CELF4: variants seen among roughly 807,000 people sequenced by gnomAD.
CELF4 encodes the protein CUG-BP- and ETR-3-like factor 4.
In CELF4, 18 loss-of-function variants were observed where a neutral mutation model predicts 59.9. The ratio of observed to expected loss-of-function variants is 0.30; its 90% CI spans 0.21 to 0.45. The LOEUF (loss-of-function observed/expected upper bound fraction) is 0.45, where lower values mean the gene tolerates loss of function less well. Ranked by LOEUF, CELF4 falls within the 20% of genes least tolerant of loss-of-function variation. CELF4 has a pLI of 1.00. For synonymous variants in CELF4, 261 were observed against 267.1 expected (o/e 0.98, Z 0.22); for missense variants, 456 against 689.0 (o/e 0.66, Z 3.79).
intron 2 of CELF4, among the ~76,000 whole-genome samples, chr18:37,405,785 G>T (rs1941956): frequency 0.56 from 85,707 of 151,932 alleles, 26,446 homozygotes; most frequent in South Asian, 0.8. Context: ...GTGCCTGTGA[G>T]ATATTAGTGG....
intron 1 of CELF4, among the ~76,000 whole-genome samples, chr18:37,495,947 A>C (rs2099924733): frequency 6.6e-6 from 1 of 152,106 alleles, no homozygotes; most frequent in South Asian, 2.1e-4. Flanking sequence ...TGGACCTATG[A>C]GTCCCTTTGT....
At chr18:37,288,773 C>T (rs1662927) in intron 3 of CELF4, among the ~76,000 whole-genome samples, 84,067 of 151,942 alleles carry the variant, frequency 0.55, 25,278 homozygotes, top group African/African-American at 0.8. Context: ...GTTTGCTTTC[C>T]TGAGAGAACC....
chr18:37,555,791 C>T (rs573534867), intron 1 of CELF4, among the ~76,000 whole-genome samples: 47 of 152,296 alleles, frequency 3.1e-4, no homozygotes, highest in Non-Finnish European at 4.9e-4. Flanking sequence ...ATACTTTTCA[C>T]TCACCTTCAA....
At chr18:37,323,468 C>T (rs2154523744) in intron 2 of CELF4, among the ~76,000 whole-genome samples, 1 of 152,316 alleles carries the variant, frequency 6.6e-6, no homozygotes, top group African/African-American at 2.4e-5. Flanking sequence ...GAACGAGCTC[C>T]TTTCCAGTCT....
intron 3 of CELF4, among the ~76,000 whole-genome samples, chr18:37,281,724 C>T (rs1328938028): frequency 1.3e-5 from 2 of 152,148 alleles, no homozygotes; most frequent in African/African-American, 4.8e-5. Context: ...GGGCAAGAGC[C>T]CAGAGACCAG....
intron 10 of CELF4, among the ~76,000 whole-genome samples, chr18:37,261,295 C>T (rs573109406): frequency 9.7e-4 from 147 of 151,038 alleles, no homozygotes; most frequent in Admixed American, 1.7e-3. Flanking sequence ...CCTGACTGCT[C>T]CAGCCCATGC....
chr18:37,520,014 G>A (rs777794865), intron 1 of CELF4, among the ~76,000 whole-genome samples: 3 of 152,154 alleles, frequency 2.0e-5, no homozygotes, highest in Non-Finnish European at 4.4e-5. Context: ...GCACCAGGAC[G>A]TCACCACCCT....
intron 1 of CELF4, among the ~76,000 whole-genome samples, chr18:37,536,013 C>T (rs192310513): frequency 3.3e-4 from 51 of 152,270 alleles, no homozygotes; most frequent in African/African-American, 1.2e-3. Context: ...ATGTCTCTTC[C>T]TCTGAGGATG....
chr18:37,530,298 G>A (rs969141974), intron 1 of CELF4, among the ~76,000 whole-genome samples: 4 of 152,202 alleles, frequency 2.6e-5, no homozygotes, highest in Non-Finnish European at 4.4e-5. Flanking sequence ...GAGGCAGAGA[G>A]AGGCTAAGGA....
rs551566526 is a variant in CELF4, at chr18:37,496,058, C to T, written c.287-10451G>A. On this transcript the variant is annotated intron_variant, in intron 1 of 12. Transcript: ENST00000420428. ...ATCACTGTGGGCCTTTTCTTATTCC[C>T]TCCTCATGTCTGGAGTGCCTTCCCC... Among the ~76,000 whole-genome samples, 39 of 152,060 alleles carry T rather than the reference C, an allele frequency of 2.6e-4. 1 individual carries two copies. The highest frequency in any genetic ancestry group is 9.8e-4 in the Admixed American group (15 of 15,274).
intron 1 of CELF4, among the ~76,000 whole-genome samples, chr18:37,498,229 C>T (rs566508389): frequency 6.6e-6 from 1 of 152,242 alleles, no homozygotes; most frequent in African/African-American, 2.4e-5. Flanking sequence ...TCAAAGCTCC[C>T]CCAGGTGCCT....
At chr18:37,412,986 G>T (rs1001025823) in intron 2 of CELF4, among the ~76,000 whole-genome samples, 1 of 152,126 alleles carries the variant, frequency 6.6e-6, no homozygotes, top group Non-Finnish European at 1.5e-5. Flanking sequence ...GGCTGCGGGG[G>T]CTGGGCAGAG....
At chr18:37,312,110 CAAAAAAAAA>C (rs59872500) in intron 3 of CELF4, among the ~76,000 whole-genome samples, 3 of 50,780 alleles carry the variant, frequency 5.9e-5, no homozygotes, top group Admixed American at 2.1e-4. Context: ...GATTCCGTCT[CAAAAAAAAA>C]AAAAAAAAAA....
chr18:37,270,171 T>C (rs2090431983), intron 8 of CELF4, among the ~76,000 whole-genome samples: 1 of 125,998 alleles, frequency 7.9e-6, no homozygotes, highest in South Asian at 2.7e-4. Flanking sequence ...TCTTGGATCT[T>C]TCCGTGTGCC....
chr18:37,515,917 A>G (rs567823360), intron 1 of CELF4, among the ~76,000 whole-genome samples: 14 of 152,124 alleles, frequency 9.2e-5, no homozygotes, highest in Non-Finnish European at 1.6e-4. Context: ...TCCCGGTGAA[A>G]GCAGGACTTG....
intron 2 of CELF4, among the ~76,000 whole-genome samples, chr18:37,334,642 C>G (rs796960479): frequency 7.2e-5 from 11 of 152,190 alleles, no homozygotes; most frequent in African/African-American, 2.4e-4. Context: ...TCCACTCCCC[C>G]CGGACTGTGG....
At chr18:37,356,361 G>T (rs949320960) in intron 2 of CELF4, among the ~76,000 whole-genome samples, 11 of 152,210 alleles carry the variant, frequency 7.2e-5, no homozygotes, top group South Asian at 2.1e-4. Flanking sequence ...ACAAAAGGGT[G>T]GGGGGCAGAA....
intron 2 of CELF4, among the ~76,000 whole-genome samples, chr18:37,446,640 C>T (rs1603641388): frequency 6.6e-6 from 1 of 152,184 alleles, no homozygotes; most frequent in Non-Finnish European, 1.5e-5. Flanking sequence ...TAAATATTAG[C>T]TAATATTTCT....
At chr18:37,334,427 G>A (rs548280497) in intron 2 of CELF4, among the ~76,000 whole-genome samples, 5 of 152,300 alleles carry the variant, frequency 3.3e-5, no homozygotes, top group Middle Eastern at 3.4e-3. Flanking sequence ...TCCTGGGCCT[G>A]GCGAGGGGAT....
Sources: allele counts gnomAD v4.1 joint callset (sites outside exome capture counted in the v4.1 genomes callset), GRCh38; gene constraint gnomAD v4.1.1; transcripts MANE v1.5; gene names NCBI Gene and HGNC (gene_info 2026-07-23, HGNC 2026-07-21).